Variants in FRYL observed in about 807,000 individuals in gnomAD.
The protein encoded by FRYL is protein furry homolog-like.
Under a neutral mutation model 351.2 loss-of-function variants are expected in FRYL, and 150 were observed. The observed-to-expected ratio is 0.43, with a 90% CI of 0.37 to 0.49. The LOEUF (loss-of-function observed/expected upper bound fraction) is 0.49, where lower values mean the gene tolerates loss of function less well. Among genes scored for constraint, FRYL ranks in the 20% least tolerant of loss-of-function variants. The pLI is 0.00. For missense variants in FRYL, 3,036 were observed against 3,619.3 expected (o/e 0.84, Z 4.13); for synonymous variants, 1,153 against 1,257.1 (o/e 0.92, Z 1.75).
rs56320005 is a variant in FRYL, at chr4:48,592,082, TTATATATATATATA to T, written c.1336-1266_1336-1253del. Among the ~76,000 whole-genome samples the T allele has an allele frequency of 3.5e-3, 408 of 116,198 alleles. 15 individuals carry two copies. Among genetic ancestry groups the T allele is most frequent in the Non-Finnish European group, 2.7e-3 (161 of 59,696 alleles). The allele number at this position is 116,198 out of a possible 152,430, so 76.2% of individuals were successfully genotyped here. Reference sequence around the variant, plus strand: ...GGAATACGGGAAGAAAATAAAGCTCTTATATATATATATATATATATATATATATATATTTTATC... The same window carrying T: ...GGAATACGGGAAGAAAATAAAGCTCTTATATATATATATATATATTTTATC... On this transcript the variant is annotated intron_variant, in intron 16 of 63. Coordinates refer to ENST00000358350, the MANE Select transcript of FRYL (RefSeq NM_015030.2).
intron 26 of FRYL, 150 bp downstream of exon 26, chr4:48,573,036 C>T: frequency 3.4e-6 from 2 of 596,630 alleles, no homozygotes; most frequent in Middle Eastern, 3.0e-4. Flanking sequence ...TGGGTTTCTG[C>T]ATAAGATCTT....
chr4:48,573,029 G>C (rs1206297695), intron 26 of FRYL, among the ~76,000 whole-genome samples, 157 bp downstream of exon 26: 1 of 152,102 alleles, frequency 6.6e-6, no homozygotes, highest in African/African-American at 2.4e-5. Context: ...TACATAATGG[G>C]TTTCTGCATA....
intron 18 of FRYL, among the ~76,000 whole-genome samples, chr4:48,588,589 C>T (rs13127730): frequency 0.53 from 80,807 of 151,976 alleles, 22,186 homozygotes; most frequent in African/African-American, 0.67. Context: ...TGAACTCATG[C>T]GTGCTTGCTT....
chr4:48,531,437 T>C, intron 49 of FRYL, 84 bp from the exon 50 acceptor site: 1 of 792,562 alleles, frequency 1.3e-6, no homozygotes, highest in Middle Eastern at 2.7e-4. Flanking sequence ...CATAAAAATA[T>C]TATTTCTACA....
chr4:48,684,459 C>T (rs1160430888), intron 3 of FRYL, among the ~76,000 whole-genome samples: 1 of 152,146 alleles, frequency 6.6e-6, no homozygotes, highest in East Asian at 1.9e-4. Context: ...GTATTTATTA[C>T]TGACAGGATC....
chr4:48,522,391 C>A (rs1020652217), intron 54 of FRYL, among the ~76,000 whole-genome samples: 3 of 151,792 alleles, frequency 2.0e-5, no homozygotes, highest in African/African-American at 7.3e-5. Context: ...ATTCCATGTG[C>A]CTTCTCCTTC....
intron 4 of FRYL, among the ~76,000 whole-genome samples, chr4:48,629,912 A>G (rs1172373013): frequency 6.6e-6 from 1 of 152,168 alleles, no homozygotes; most frequent in African/African-American, 2.4e-5. Flanking sequence ...CTTTCACTTT[A>G]CCTTCAGAGG....
intron 43 of FRYL, 52 bp from the exon 44 acceptor site, chr4:48,544,049 T>C (rs774807963): frequency 2.9e-5 from 43 of 1,486,770 alleles, no homozygotes; most frequent in Non-Finnish European, 3.9e-5. Flanking sequence ...AGAATACTAA[T>C]GGGGTTATAA....
intron 33 of FRYL, 139 bp from the exon 34 acceptor site, chr4:48,557,851 T>C (rs911688190): frequency 3.3e-6 from 3 of 913,244 alleles, no homozygotes; most frequent in African/African-American, 3.3e-5. Context: ...TGTTTTTCCT[T>C]TTAGCAAATT....
intron 22 of FRYL, among the ~76,000 whole-genome samples, chr4:48,580,054 T>C (rs1398857596): frequency 1.6e-5 from 1 of 61,382 alleles, no homozygotes; most frequent in Non-Finnish European, 3.2e-5. Flanking sequence ...TTTAGCATCA[T>C]GGTAGCATCA....
Position 48,763,818 on chromosome 4 carries a change from G to A in FRYL, c.-384+16260C>T, listed in dbSNP as rs186844446. ...TGAAGTAAAACTGTATGTTTTTAAC[G>A]TATATAATCTTATATATAGGAAACC... is the stretch of plus-strand genomic sequence containing the variant. On this transcript the variant is annotated intron_variant, in intron 1 of 63. Transcript: ENST00000358350. Among the ~76,000 whole-genome samples, 5 of 152,194 alleles carry A rather than the reference G, an allele frequency of 3.3e-5. No homozygotes were observed. In the East Asian group the frequency reaches 7.7e-4, roughly 23 times the overall value.
intron 1 of FRYL, among the ~76,000 whole-genome samples, chr4:48,750,774 G>C (rs1272778480): frequency 1.3e-5 from 2 of 152,198 alleles, no homozygotes; most frequent in Non-Finnish European, 2.9e-5. Context: ...AATTTGACAA[G>C]TTAATCTTGA....
chr4:48,761,863 C>A (rs1194297763), intron 1 of FRYL, among the ~76,000 whole-genome samples: 1 of 152,152 alleles, frequency 6.6e-6, no homozygotes, highest in African/African-American at 2.4e-5. Flanking sequence ...GATGTTCGCA[C>A]AATGACAAAA....
At chr4:48,544,251 C>A (rs1362324881) in intron 43 of FRYL, among the ~76,000 whole-genome samples, 9 of 152,118 alleles carry the variant, frequency 5.9e-5, no homozygotes, top group Admixed American at 2.6e-4. Flanking sequence ...AAATTCTTTG[C>A]TGGAAGGGCT....
At chr4:48,506,307 G>A (rs745653353) in intron 59 of FRYL, 31 of 151,888 alleles carry the variant, frequency 2.0e-4, no homozygotes, top group Non-Finnish European at 3.8e-4. Context: ...GCTGAGCGGG[G>A]AGGACTGCTA....
chr4:48,581,980 T>C (rs1021181947), intron 20 of FRYL, among the ~76,000 whole-genome samples: 3 of 152,190 alleles, frequency 2.0e-5, no homozygotes, highest in Non-Finnish European at 4.4e-5. Flanking sequence ...TGAAACTCTT[T>C]CTTAGGGCCC....
intron 61 of FRYL, 71 bp downstream of exon 61, chr4:48,502,749 CACAAATGG>C (rs1253994581): frequency 8.7e-7 from 1 of 1,145,254 alleles, no homozygotes; most frequent in Non-Finnish European, 1.3e-6. Flanking sequence ...ATTGCTGGGT[CACAAATGG>C]ACAAATGGCA....
intron 53 of FRYL, among the ~76,000 whole-genome samples, chr4:48,525,374 C>T (rs1725877550): frequency 6.6e-6 from 1 of 152,094 alleles, no homozygotes; most frequent in South Asian, 2.1e-4. Context: ...GCCTACACAG[C>T]TCCTAAACTG....
chr4:48,661,149 C>T (rs1471123220), intron 3 of FRYL, among the ~76,000 whole-genome samples: 1 of 152,180 alleles, frequency 6.6e-6, no homozygotes, highest in Non-Finnish European at 1.5e-5. Context: ...ACTCTTTGTA[C>T]TATCCCTGCA....
Sources: gnomAD v4.1 joint callset for allele counts (sites outside exome capture counted in the v4.1 genomes callset) on GRCh38, gnomAD v4.1.1 for gene constraint, MANE v1.5 for transcripts, NCBI Gene and HGNC (gene_info 2026-07-23, HGNC 2026-07-21) for gene names.